The following SPAG1 variants were observed in gnomAD, a reference collection of about 807,000 sequenced individuals.
The protein encoded by SPAG1 is sperm associated antigen 1.
SPAG1 carries 69 observed loss-of-function variants against 100.5 expected under a neutral mutation model. The ratio of observed to expected loss-of-function variants is 0.69; its 90% CI spans 0.57 to 0.84. The LOEUF (loss-of-function observed/expected upper bound fraction) is 0.84, where lower values mean the gene tolerates loss of function less well. Among genes scored for constraint, SPAG1 ranks in the 40% least tolerant of loss-of-function variants. The pLI, the probability that SPAG1 is intolerant of heterozygous loss-of-function variation, is 0.00. For synonymous variants in SPAG1, 336 were observed against 411.6 expected (o/e 0.82, Z 2.22); for missense variants, 955 against 1,133.1 (o/e 0.84, Z 2.26).
At chr8:100,197,658 T>A (rs1817091994) in intron 10 of SPAG1, among the ~76,000 whole-genome samples, 1 of 152,192 alleles carries the variant, frequency 6.6e-6, no homozygotes, top group Non-Finnish European at 1.5e-5. Context: ...GAATTCCCAG[T>A]CATTATGGGG....
intron 3 of SPAG1, among the ~76,000 whole-genome samples, chr8:100,166,802 G>A (rs932295131): frequency 5.3e-5 from 8 of 152,130 alleles, no homozygotes; most frequent in Non-Finnish European, 7.4e-5. Flanking sequence ...AGCCATTCAG[G>A]AGGCTGAGAC....
intron 14 of SPAG1, among the ~76,000 whole-genome samples, chr8:100,229,904 C>T (rs1283679473): frequency 3.3e-5 from 5 of 152,216 alleles, no homozygotes; most frequent in Non-Finnish European, 5.9e-5. Context: ...GACTCCAGCT[C>T]TCCATCTTGG....
At chr8:100,233,980 G>T (rs1025655147) in intron 16 of SPAG1, among the ~76,000 whole-genome samples, 1 of 152,218 alleles carries the variant, frequency 6.6e-6, no homozygotes, top group Admixed American at 6.5e-5. Flanking sequence ...AAAGCTTATA[G>T]TGATCTGGGC....
intron 3 of SPAG1, among the ~76,000 whole-genome samples, chr8:100,171,628 A>G (rs1815856264): frequency 1.3e-5 from 2 of 152,076 alleles, no homozygotes; most frequent in Admixed American, 1.3e-4. Flanking sequence ...CTAACGTCCA[A>G]ACTTTGTCTG....
At chr8:100,230,125 A>ATGAT (rs1818700982) in intron 14 of SPAG1, among the ~76,000 whole-genome samples, 1 of 152,226 alleles carries the variant, frequency 6.6e-6, no homozygotes. Flanking sequence ...GATTAATAAA[A>ATGAT]TGATTATCCC....
At chr8:100,170,656 C>T (rs953040952) in intron 3 of SPAG1, among the ~76,000 whole-genome samples, 15 of 151,964 alleles carry the variant, frequency 9.9e-5, no homozygotes, top group South Asian at 2.1e-4. Flanking sequence ...TATCTAATTG[C>T]TTTTTCATAT....
chr8:100,219,131 G>A (rs978539205), intron 12 of SPAG1, among the ~76,000 whole-genome samples: 2 of 152,192 alleles, frequency 1.3e-5, no homozygotes, highest in African/African-American at 2.4e-5. Context: ...AGATGGGGAA[G>A]TCTACAGTGA....
chr8:100,235,728 A>G (rs1818975188), intron 16 of SPAG1, among the ~76,000 whole-genome samples: 1 of 152,134 alleles, frequency 6.6e-6, no homozygotes, highest in Non-Finnish European at 1.5e-5. Context: ...CTCTGGCTGC[A>G]GTGCAGTCAG....
intron 14 of SPAG1, among the ~76,000 whole-genome samples, chr8:100,228,441 G>A (rs967674847): frequency 5.3e-5 from 8 of 151,364 alleles, no homozygotes; most frequent in Non-Finnish European, 7.4e-5. Flanking sequence ...GGCTGGGTGC[G>A]GTGGCTCACA....
intron 13 of SPAG1, 95 bp from the exon 14 acceptor site, chr8:100,225,078 T>G: frequency 1.1e-6 from 1 of 897,654 alleles, no homozygotes. Context: ...AAGTACACAT[T>G]TGCATAGCAT....
chr8:100,162,262 T>C lies in SPAG1; in HGVS notation c.-2-17T>C, dbSNP rs561398533. The C allele has an allele frequency of 9.6e-6, 15 of 1,565,038 alleles. No individual in the cohort carries two copies. The South Asian group carries it at 1.8e-4, about 18-fold the overall frequency. ...ATTTATACATTAGATTAATAACTTT[T>C]AAATATTGTATTTCAGCTATGACCA... On this transcript the variant is annotated splice_polypyrimidine_tract_variant and intron_variant, in intron 1 of 18. Transcript: ENST00000388798.
Position 100,239,467 on chromosome 8 carries a change from CATATT to C in SPAG1, c.2280+64_2280+68del. On this transcript the variant is annotated intron_variant, in intron 17 of 18. Coordinates refer to ENST00000388798, the MANE Select transcript of SPAG1 (RefSeq NM_003114.5). The surrounding 1 kb of genome is among the most constrained non-coding windows in gnomAD (Gnocchi z 5.0). ...GGGACCTTAGACTGGATTCTAAGGT[CATATT>C]CCTGTGAGTTCTAAAACATTTTTAA... is the stretch of plus-strand genomic sequence containing the variant. The C allele has an allele frequency of 9.6e-7, 1 of 1,042,298 alleles. No individual in the cohort carries two copies. 64.6% of individuals were successfully genotyped at this position (1,042,298 alleles called of 1,614,324 possible). A position where few individuals can be genotyped will look rare whatever the true frequency, so the allele number is the denominator to read the frequency against.
chr8:100,225,204 C>A lies in SPAG1; in HGVS notation c.1720C>A (p.Pro574Thr). The part of the protein sequence containing the change: ...LSRILMELDG[P>T]NWREKLSPIP... ...AAGAATTTTAATGGAGCTGGATGGA[C>A]CAAATTGGCGGGAGAAGCTGTCACC... Residue 574 changes from proline to threonine, a missense_variant, in exon 14 of 19, where the codon CCA (proline) becomes ACA (threonine). Transcript: ENST00000388798. 1 of 1,613,856 alleles carries A rather than the reference C, an allele frequency of 6.2e-7. No homozygotes were observed. Among genetic ancestry groups the A allele is most frequent in the Non-Finnish European group, 8.5e-7 (1 of 1,179,884 alleles).
chr8:100,188,549 C>T (rs1419278560), intron 8 of SPAG1, among the ~76,000 whole-genome samples: 1 of 152,164 alleles, frequency 6.6e-6, no homozygotes. Flanking sequence ...CTGCCAAAAA[C>T]CTGCACTCTA....
chr8:100,191,355 T>TA, intron 8 of SPAG1, 35 bp from the exon 9 acceptor site: 1 of 1,445,758 alleles, frequency 6.9e-7, no homozygotes, highest in Non-Finnish European at 9.7e-7. Context: ...TGCCACATAT[T>TA]AAAAAACATA....
chr8:100,171,959 A>G (rs891703878), intron 3 of SPAG1, among the ~76,000 whole-genome samples: 11 of 151,878 alleles, frequency 7.2e-5, no homozygotes, highest in Non-Finnish European at 1.5e-4. Context: ...CAGTAGCACA[A>G]TCTTGGCTCA....
intron 4 of SPAG1, among the ~76,000 whole-genome samples, chr8:100,178,793 A>G (rs1397108692): frequency 6.6e-6 from 1 of 152,164 alleles, no homozygotes; most frequent in Non-Finnish European, 1.5e-5. Context: ...GCAATCAGTG[A>G]AATTGTATTT....
intron 16 of SPAG1, among the ~76,000 whole-genome samples, chr8:100,235,192 TC>T (rs1818949181): frequency 6.6e-6 from 1 of 152,128 alleles, no homozygotes; most frequent in Admixed American, 6.5e-5. Context: ...CATGTGGCCT[TC>T]CCTCTGTGTG....
At chr8:100,221,473 A>T (rs1389349090) in intron 13 of SPAG1, among the ~76,000 whole-genome samples, 1 of 152,202 alleles carries the variant, frequency 6.6e-6, no homozygotes, top group Non-Finnish European at 1.5e-5. Flanking sequence ...ATTTCTAGTT[A>T]TGTATGACAT....
Sources: gnomAD v4.1 joint callset for allele counts (sites outside exome capture counted in the v4.1 genomes callset) on GRCh38, gnomAD v4.1.1 for gene constraint, Gnocchi (gnomAD v3.1) non-coding constraint, MANE v1.5 for transcripts, NCBI Gene and HGNC (gene_info 2026-07-23, HGNC 2026-07-21) for gene names.